MINPP1: variants seen among roughly 807,000 people sequenced by gnomAD.
The protein encoded by MINPP1 is multiple inositol-polyphosphate phosphatase 1.
In MINPP1, 28 loss-of-function variants were observed where a neutral mutation model predicts 46.1. That is an observed-to-expected ratio of 0.61 (90% CI 0.45 to 0.83). MINPP1 has a LOEUF of 0.83. Ranked by LOEUF, MINPP1 falls within the 40% of genes least tolerant of loss-of-function variation. The pLI is 0.00. For missense variants in MINPP1, 603 were observed against 610.0 expected (o/e 0.99, Z 0.12); for synonymous variants, 268 against 249.1 (o/e 1.08, Z -0.72).
At chr10:87,514,896 A>G (rs1851391095) in intron 3 of MINPP1, among the ~76,000 whole-genome samples, 1 of 151,486 alleles carries the variant, frequency 6.6e-6, no homozygotes, top group Admixed American at 6.6e-5. Context: ...TTTTATTTTT[A>G]GTAGAGATGG....
intron 4 of MINPP1, among the ~76,000 whole-genome samples, chr10:87,535,049 G>T (rs547460800): frequency 9.2e-5 from 14 of 152,374 alleles, no homozygotes; most frequent in Non-Finnish European, 1.8e-4. Flanking sequence ...GATGTCTTAA[G>T]AAAGTAATTT....
chr10:87,529,898 C>T (rs1185018016), intron 4 of MINPP1, among the ~76,000 whole-genome samples: 1 of 152,106 alleles, frequency 6.6e-6, no homozygotes, highest in African/African-American at 2.4e-5. Context: ...AGGCTTTGTT[C>T]ATTTCTTTTT....
Position 87,513,115 on chromosome 10 carries a change from T to G in MINPP1, c.836-9T>G, listed in dbSNP as rs199609056. 1 of 1,610,408 alleles carries G rather than the reference T, an allele frequency of 6.2e-7. No homozygotes were observed. Among genetic ancestry groups the G allele is most frequent in the Admixed American group, 1.7e-5 (1 of 60,006 alleles). On this transcript the variant is annotated splice_polypyrimidine_tract_variant and intron_variant, in intron 2 of 4. Transcript: ENST00000371996. Reference sequence around the variant, plus strand: ...TGACCCACAAAATTTTACCTTTTTTTCCCCCCAGATTTAATTCAAGTAGCC... The same window carrying G: ...TGACCCACAAAATTTTACCTTTTTTGCCCCCCAGATTTAATTCAAGTAGCC...
At chr10:87,530,604 C>A (rs919311374) in intron 4 of MINPP1, among the ~76,000 whole-genome samples, 1 of 152,088 alleles carries the variant, frequency 6.6e-6, no homozygotes, top group Non-Finnish European at 1.5e-5. Flanking sequence ...GGTTGTCAGT[C>A]GGCCCCTACT....
chr10:87,545,286 TA>T (rs1851870908), intron 4 of MINPP1, among the ~76,000 whole-genome samples: 1 of 152,090 alleles, frequency 6.6e-6, no homozygotes, highest in Non-Finnish European at 1.5e-5. Flanking sequence ...GTGGGATTTT[TA>T]ATATTCAAGC....
intron 4 of MINPP1, among the ~76,000 whole-genome samples, chr10:87,551,506 C>G (rs1017594782): frequency 6.6e-6 from 1 of 151,952 alleles, no homozygotes; most frequent in African/African-American, 2.4e-5. Flanking sequence ...TACTCCCACT[C>G]CCAACCAGAG....
chr10:87,549,866 G>A (rs2131845814), intron 4 of MINPP1, among the ~76,000 whole-genome samples: 1 of 152,298 alleles, frequency 6.6e-6, no homozygotes, highest in African/African-American at 2.4e-5. Flanking sequence ...ATGTAAACCA[G>A]TATATTTATA....
chr10:87,547,023 T>C (rs981170791), intron 4 of MINPP1, among the ~76,000 whole-genome samples: 1 of 152,214 alleles, frequency 6.6e-6, no homozygotes. Flanking sequence ...TGAAGAGTGT[T>C]ACTAAGCACT....
chr10:87,533,132 A>G (rs147702479), intron 4 of MINPP1, among the ~76,000 whole-genome samples: 4 of 150,658 alleles, frequency 2.7e-5, no homozygotes, highest in Non-Finnish European at 4.4e-5. Context: ...TCCCACCCCT[A>G]CCCCTTGTTA....
intron 4 of MINPP1, among the ~76,000 whole-genome samples, chr10:87,548,599 T>C (rs374387796): frequency 6.6e-6 from 1 of 152,152 alleles, no homozygotes; most frequent in East Asian, 1.9e-4. Context: ...TGTGCTCTTT[T>C]TTAATACTTT....
chr10:87,512,706 G>A (rs1260550473), intron 2 of MINPP1, among the ~76,000 whole-genome samples: 2 of 151,886 alleles, frequency 1.3e-5, no homozygotes, highest in Non-Finnish European at 2.9e-5. Context: ...ATATTGCTAG[G>A]CAAATATGCT....
chr10:87,525,534 A>G (rs780304011), intron 4 of MINPP1, among the ~76,000 whole-genome samples: 2 of 151,566 alleles, frequency 1.3e-5, no homozygotes, highest in East Asian at 3.9e-4. Flanking sequence ...TGTTCATCTT[A>G]TTTTCTTTTT....
At chr10:87,532,908 G>A (rs1172623563) in intron 4 of MINPP1, among the ~76,000 whole-genome samples, 5 of 151,698 alleles carry the variant, frequency 3.3e-5, no homozygotes, top group African/African-American at 1.2e-4. Context: ...AGGCACCAGT[G>A]TGGTAGAATA....
intron 4 of MINPP1, among the ~76,000 whole-genome samples, chr10:87,525,885 T>C (rs1173495439): frequency 6.6e-6 from 1 of 152,274 alleles, no homozygotes; most frequent in African/African-American, 2.4e-5. Flanking sequence ...GGACATGAAC[T>C]CATCCTTTTT....
At chr10:87,507,461 A>G (rs1488395580) in intron 1 of MINPP1, among the ~76,000 whole-genome samples, 2 of 151,040 alleles carry the variant, frequency 1.3e-5, no homozygotes, top group Non-Finnish European at 2.9e-5. Flanking sequence ...AGTGGGCAGA[A>G]TTATCCATTT....
intron 4 of MINPP1, among the ~76,000 whole-genome samples, chr10:87,546,308 A>C (rs1851885630): frequency 6.6e-6 from 1 of 152,198 alleles, no homozygotes; most frequent in Non-Finnish European, 1.5e-5. Context: ...GTCACGGCAC[A>C]GATGGGAGTG....
chr10:87,505,951 C>A lies in MINPP1; in HGVS notation c.637+399C>A, dbSNP rs893866588. Among the ~76,000 whole-genome samples the A allele has an allele frequency of 6.6e-6, 1 of 151,734 alleles. No homozygotes were observed. Among genetic ancestry groups the A allele is most frequent in the Non-Finnish European group, 1.5e-5 (1 of 67,948 alleles). The stretch of plus-strand genomic sequence containing the variant: ...GCGTCTAGTTTCACAATTGGGCGCA[C>A]GTTTTAAAAAACAGAATCTAGAATT... On this transcript the variant is annotated intron_variant, in intron 1 of 4. Transcript: ENST00000371996. The surrounding 1 kb of genome is among the most constrained non-coding windows in gnomAD (Gnocchi z 4.4).
chr10:87,513,076 A>T, intron 2 of MINPP1, 48 bp from the exon 3 acceptor site: 1 of 1,382,022 alleles, frequency 7.2e-7, no homozygotes, highest in Non-Finnish European at 1.0e-6. Flanking sequence ...CCTTTGAAAA[A>T]TTGCAGAAAA....
intron 4 of MINPP1, among the ~76,000 whole-genome samples, chr10:87,535,554 G>A (rs1851721958): frequency 6.6e-6 from 1 of 151,902 alleles, no homozygotes; most frequent in Non-Finnish European, 1.5e-5. Context: ...GAGTTAGACA[G>A]TGTTGGGAAA....
Sources: gnomAD v4.1 joint callset for allele counts (sites outside exome capture counted in the v4.1 genomes callset) on GRCh38, gnomAD v4.1.1 for gene constraint, Gnocchi (gnomAD v3.1) non-coding constraint, MANE v1.5 for transcripts, NCBI Gene and HGNC (gene_info 2026-07-23, HGNC 2026-07-21) for gene names.